CLEC20A: variants seen among roughly 807,000 people sequenced by gnomAD.
CLEC20A encodes putative C-type lectin domain family 20 member A.
At chr1:178,482,933 A>C (rs1320611294) in intron 6 of CLEC20A, 1 of 350,894 alleles carries the variant, frequency 2.8e-6, no homozygotes, top group Non-Finnish European at 5.1e-6. Flanking sequence ...TGATATAGGC[A>C]GGGTAGTTTT....
chr1:178,488,908 T>A (rs1204593582), intron 4 of CLEC20A, among the ~76,000 whole-genome samples: 2 of 151,124 alleles, frequency 1.3e-5, no homozygotes, highest in African/African-American at 4.9e-5. Context: ...AGAAAATAGG[T>A]TTGTGGTTGC....
chr1:178,498,799 C>G (rs1003231261), upstream of CLEC20A, among the ~76,000 whole-genome samples: 21 of 152,160 alleles, frequency 1.4e-4, no homozygotes, highest in Admixed American at 1.3e-4. Flanking sequence ...TTTCCTACCC[C>G]CTACCCCTTC....
In CLEC20A at chr1:178,482,090, C is replaced by CAAA. The variant is rs771558758; in HGVS notation, c.1122+221_1122+222insTTT. On this transcript the variant is annotated intron_variant, in intron 7 of 7. Coordinates refer to ENST00000623247, the Ensembl canonical transcript of CLEC20A. Reference sequence around the variant, plus strand: ...AAAAAAAAACAAAAAAACAAAAAAACAACAAAAAAAAAAACTTAGGAAAGA... The same window carrying CAAA: ...AAAAAAAAACAAAAAAACAAAAAAACAAAAACAAAAAAAAAAACTTAGGAAAGA... 4.9e-4 allele frequency: 179 copies of CAAA among 366,246 alleles called. 1 individual carries two copies. The highest frequency in any genetic ancestry group is 2.6e-3 in the African/African-American group (113 of 43,320). 22.7% of individuals were successfully genotyped at this position (366,246 alleles called of 1,614,324 possible).
intron 2 of CLEC20A, 23 bp from the exon 3 acceptor site, chr1:178,492,589 G>A (rs1025793866): frequency 1.5e-5 from 6 of 398,566 alleles, no homozygotes; most frequent in Admixed American, 4.4e-5. Flanking sequence ...AACAGACCAC[G>A]AGTTATGGGG....
At chr1:178,491,313 A>G (rs1649261415) in intron 3 of CLEC20A, among the ~76,000 whole-genome samples, 1 of 151,802 alleles carries the variant, frequency 6.6e-6, no homozygotes, top group African/African-American at 2.4e-5. Flanking sequence ...AAGATGAAAC[A>G]CTCCTGTTTG....
chr1:178,495,423 T>C (rs1269049301), intron 1 of CLEC20A, among the ~76,000 whole-genome samples: 1 of 152,232 alleles, frequency 6.6e-6, no homozygotes, highest in Admixed American at 6.5e-5. Flanking sequence ...AGCTGCAAGC[T>C]GGAGTCACCT....
At chr1:178,492,702 C>G (rs900790075) in intron 2 of CLEC20A, 136 bp from the exon 3 acceptor site, 2 of 396,942 alleles carry the variant, frequency 5.0e-6, no homozygotes, top group Non-Finnish European at 8.9e-6. Context: ...CGATTCAATC[C>G]ATTCAATAAA....
chr1:178,497,171 C>A, upstream of CLEC20A: 2 of 390,358 alleles, frequency 5.1e-6, no homozygotes, highest in Admixed American at 4.5e-5. Flanking sequence ...CTGGAGGATG[C>A]GGAAGAGATC....
chr1:178,479,536 T>A (rs1558026005), exon 8 of CLEC20A: 4 of 398,522 alleles, frequency 1.0e-5, no homozygotes, highest in Non-Finnish European at 1.8e-5. Flanking sequence ...AGAATTGTGC[T>A]ATTTTTTGTT....
At chr1:178,481,441 G>T (rs1007464040) in intron 7 of CLEC20A, 1 of 152,152 alleles carries the variant, frequency 6.6e-6, no homozygotes, top group African/African-American at 2.4e-5. Context: ...GCTAAATGGT[G>T]TATAGGGTAC....
intron 5 of CLEC20A, among the ~76,000 whole-genome samples, chr1:178,484,919 A>G (rs1462986393): frequency 6.6e-6 from 1 of 152,078 alleles, no homozygotes; most frequent in East Asian, 1.9e-4. Context: ...TTCCCCACAC[A>G]CACGTTTCCT....
intron 7 of CLEC20A, chr1:178,481,478 T>C (rs1648983718): frequency 6.6e-6 from 1 of 152,238 alleles, no homozygotes; most frequent in Admixed American, 6.5e-5. Context: ...TCTGTGGTTA[T>C]TATCTGATAT....
At chr1:178,497,773 T>C (rs1399994778), upstream of CLEC20A, among the ~76,000 whole-genome samples, 6 of 152,192 alleles carry the variant, frequency 3.9e-5, no homozygotes, top group Admixed American at 3.9e-4. Flanking sequence ...GAGGTCCTCC[T>C]GCAACTTAGG....
chr1:178,486,255 G>A (rs1185942127), intron 5 of CLEC20A, among the ~76,000 whole-genome samples: 1 of 152,162 alleles, frequency 6.6e-6, no homozygotes, highest in Non-Finnish European at 1.5e-5. Flanking sequence ...CAGCCGGAGT[G>A]GGGAGACTGT....
chr1:178,492,016 G>T (rs1172468421), intron 3 of CLEC20A, among the ~76,000 whole-genome samples: 1 of 152,156 alleles, frequency 6.6e-6, no homozygotes, highest in Non-Finnish European at 1.5e-5. Context: ...CGGCTCGGTG[G>T]CTCATACCTG....
intron 4 of CLEC20A, among the ~76,000 whole-genome samples, chr1:178,489,315 G>A (rs71628283): frequency 0.099 from 15,004 of 151,912 alleles, 816 homozygotes; most frequent in Middle Eastern, 0.19. Flanking sequence ...GTGAGCTGAG[G>A]ACCACTGCAC....
rs370350731 is a variant in CLEC20A, at chr1:178,489,335, G to A, written c.830-736C>T. On this transcript the variant is annotated intron_variant, in intron 4 of 7. Transcript: ENST00000623247. Reference sequence around the variant, plus strand: ...CTGAGGACCACTGCACTCCAGCCTGGGCGACAGAGCAAGACTCTGTCTCAA... The same window carrying A: ...CTGAGGACCACTGCACTCCAGCCTGAGCGACAGAGCAAGACTCTGTCTCAA... 2.6e-5 allele frequency among the ~76,000 whole-genome samples: 4 copies of A among 151,872 alleles called. No homozygotes were observed. The East Asian group carries it at 7.7e-4, about 29-fold the overall frequency.
At chr1:178,492,433 C>T (rs1649287022) in intron 3 of CLEC20A, 68 bp downstream of exon 3, 3 of 398,374 alleles carry the variant, frequency 7.5e-6, no homozygotes, top group African/African-American at 2.1e-5. Flanking sequence ...GCTGGCTGGT[C>T]TTGGTGGAGA....
upstream of CLEC20A, among the ~76,000 whole-genome samples, chr1:178,497,491 T>A (rs1055588975): frequency 6.6e-6 from 1 of 152,162 alleles, no homozygotes; most frequent in Non-Finnish European, 1.5e-5. Context: ...GACTTCATGC[T>A]CAGAGGGGCC....
Sources: allele counts gnomAD v4.1 joint callset (sites outside exome capture counted in the v4.1 genomes callset), GRCh38; gene constraint gnomAD v4.1.1; transcripts MANE v1.5; gene names NCBI Gene and HGNC (gene_info 2026-07-23, HGNC 2026-07-21).